The following RBPJ variants were observed in gnomAD, a reference collection of about 807,000 sequenced individuals.
RBPJ encodes the protein recombination signal binding protein for immunoglobulin kappa J region, also known as recombining binding protein suppressor of hairless.
In RBPJ, 9 loss-of-function variants were observed where a neutral mutation model predicts 67.8. The observed-to-expected ratio is 0.13, with a 90% CI of 0.08 to 0.23. RBPJ has a LOEUF of 0.23. Among genes scored for constraint, RBPJ ranks in the 10% least tolerant of loss-of-function variants. The pLI is 1.00. For synonymous variants in RBPJ, 198 were observed against 203.3 expected, an observed-to-expected ratio of 0.97 and a Z score of 0.22; for missense variants, 305 against 595.6, an observed-to-expected ratio of 0.51 and a Z score of 5.08.
At chr4:26,267,473 A>G (rs934901381) in intron 1 of RBPJ, among the ~76,000 whole-genome samples, 17 of 152,158 alleles carry the variant, frequency 1.1e-4, no homozygotes, top group African/African-American at 3.1e-4. Context: ...CAAAAACAAT[A>G]GATTTTTAAG....
intron 1 of RBPJ, among the ~76,000 whole-genome samples, chr4:26,331,141 C>T (rs115428818): frequency 1.3e-5 from 2 of 152,258 alleles, no homozygotes; most frequent in East Asian, 1.9e-4. Flanking sequence ...TTTGCTGTCA[C>T]GTAGGCTAGA....
intron 1 of RBPJ, among the ~76,000 whole-genome samples, chr4:26,340,301 C>T (rs1725373557): frequency 6.6e-6 from 1 of 152,094 alleles, no homozygotes; most frequent in Non-Finnish European, 1.5e-5. Flanking sequence ...CAGCATTCCA[C>T]ACAAAAGGAA....
intron 1 of RBPJ, among the ~76,000 whole-genome samples, chr4:26,325,751 A>G (rs1235779467): frequency 6.6e-6 from 1 of 152,180 alleles, no homozygotes; most frequent in Non-Finnish European, 1.5e-5. Context: ...TGCTTCAGTC[A>G]TATTAAAGTA....
chr4:26,276,655 A>G (rs77435120), intron 1 of RBPJ, among the ~76,000 whole-genome samples: 3,090 of 152,276 alleles, frequency 0.02, 88 homozygotes, highest in African/African-American at 0.07. Context: ...ATTAAATGCT[A>G]TATGTATAAC....
chr4:26,282,182 C>T, intron 1 of RBPJ, among the ~76,000 whole-genome samples: 1 of 126,210 alleles, frequency 7.9e-6, no homozygotes. Context: ...GCCTGTGAAT[C>T]ATCTAAAAAG....
In RBPJ at chr4:26,176,895, G is replaced by T. The variant is rs545232224; in HGVS notation, c.-167+13281G>T. ...TGCCAGACCTTGAAGATGTCTATCT[G>T]CACTTCAGTCAACATTCTTTTAGGG... On this transcript the variant is annotated intron_variant, in intron 1 of 4. Transcript: ENST00000512351. Among the ~76,000 whole-genome samples, 20 of 152,372 alleles carry T rather than the reference G, an allele frequency of 1.3e-4. No individual in the cohort carries two copies. In the South Asian group the frequency reaches 4.1e-3, roughly 32 times the overall value.
the RBPJ span, among the ~76,000 whole-genome samples, chr4:26,126,438 C>G: frequency 6.6e-6 from 1 of 152,248 alleles, no homozygotes; most frequent in Non-Finnish European, 1.5e-5. Flanking sequence ...ATACTCCTCT[C>G]TCTTTCCCTT....
At chr4:26,338,280 C>T (rs376851662) in intron 1 of RBPJ, among the ~76,000 whole-genome samples, 15 of 151,102 alleles carry the variant, frequency 9.9e-5, no homozygotes, top group African/African-American at 3.2e-4. Flanking sequence ...CTCAGCCTCC[C>T]GAGTAGCTGG....
intron 1 of RBPJ, among the ~76,000 whole-genome samples, chr4:26,293,756 T>G (rs1287127375): frequency 1.5e-5 from 2 of 137,662 alleles, no homozygotes; most frequent in African/African-American, 5.3e-5. Context: ...ATATGAGAAG[T>G]GTTTTTTTCT....
At chr4:26,203,001 G>GGAAGGAAGGAAGGAAGGAAA (rs1718041275) in intron 1 of RBPJ, among the ~76,000 whole-genome samples, 1 of 103,406 alleles carries the variant, frequency 9.7e-6, no homozygotes, top group African/African-American at 3.7e-5. Flanking sequence ...AAGGAAGGAA[G>GGAAGGAAGGAAGGAAGGAAA]GAAGGAAAAA....
At chr4:26,366,020 C>G (rs1728585092) in intron 1 of RBPJ, among the ~76,000 whole-genome samples, 1 of 152,190 alleles carries the variant, frequency 6.6e-6, no homozygotes, top group Non-Finnish European at 1.5e-5. Flanking sequence ...AAGTTGCTGC[C>G]TCCCGTGAAC....
At chr4:26,219,690 A>C (rs1385642464) in intron 1 of RBPJ, among the ~76,000 whole-genome samples, 1 of 152,196 alleles carries the variant, frequency 6.6e-6, no homozygotes, top group East Asian at 1.9e-4. Flanking sequence ...GATATCATCC[A>C]TATTTTGCAG....
intron 1 of RBPJ, among the ~76,000 whole-genome samples, chr4:26,372,480 T>C (rs994417050): frequency 6.6e-6 from 1 of 152,254 alleles, no homozygotes; most frequent in African/African-American, 2.4e-5. Context: ...GTAAATTAAC[T>C]GTAACACAAC....
At chr4:26,220,228 G>C (rs996900284) in intron 1 of RBPJ, among the ~76,000 whole-genome samples, 1 of 152,156 alleles carries the variant, frequency 6.6e-6, no homozygotes, top group African/African-American at 2.4e-5. Context: ...GTAATATTTA[G>C]TTGACTACCT....
intron 1 of RBPJ, among the ~76,000 whole-genome samples, chr4:26,312,042 G>A (rs566892386): frequency 2.0e-4 from 30 of 152,292 alleles, no homozygotes; most frequent in South Asian, 1.9e-3. Flanking sequence ...CTCATTTAGC[G>A]TCTTAGGGAG....
intron 1 of RBPJ, among the ~76,000 whole-genome samples, chr4:26,212,320 G>A (rs1331999726): frequency 3.3e-5 from 5 of 151,926 alleles, no homozygotes; most frequent in Non-Finnish European, 7.4e-5. Context: ...TAACTTCCAT[G>A]GCTCTTGTTA....
intron 8 of RBPJ, 94 bp from the exon 9 acceptor site, chr4:26,429,804 A>C (rs973096581): frequency 9.8e-7 from 1 of 1,018,476 alleles, no homozygotes; most frequent in African/African-American, 1.6e-5. Context: ...TTATCTTCTT[A>C]TTAACTCTTG....
At chr4:26,295,996 A>G (rs945776534) in intron 1 of RBPJ, among the ~76,000 whole-genome samples, 9 of 152,216 alleles carry the variant, frequency 5.9e-5, no homozygotes, top group African/African-American at 2.2e-4. Flanking sequence ...TAGAACTACT[A>G]TAAGAGCACC....
chr4:26,359,039 A>G (rs1577515914), intron 1 of RBPJ, among the ~76,000 whole-genome samples: 1 of 152,162 alleles, frequency 6.6e-6, no homozygotes, highest in Admixed American at 6.5e-5. Flanking sequence ...GATCCAGACA[A>G]TCTTCTCTTA....
Sources: gnomAD v4.1 joint callset for allele counts (sites outside exome capture counted in the v4.1 genomes callset) on GRCh38, gnomAD v4.1.1 for gene constraint, MANE v1.5 for transcripts, NCBI Gene and HGNC (gene_info 2026-07-23, HGNC 2026-07-21) for gene names.